The following STK33 variants were observed in gnomAD, a reference collection of about 807,000 sequenced individuals.
STK33 encodes serine/threonine-protein kinase 33.
In STK33, 52 loss-of-function variants were observed where a neutral mutation model predicts 58.0. That is an observed-to-expected ratio of 0.90 (90% CI 0.72 to 1.13). STK33 has a LOEUF of 1.13. Among genes scored for constraint, STK33 ranks in the 50% most tolerant of loss-of-function variants. The pLI, the probability that STK33 is intolerant of heterozygous loss-of-function variation, is 0.00. For missense variants in STK33, 630 were observed against 604.2 expected, an observed-to-expected ratio of 1.04 and a Z score of -0.45; for synonymous variants, 215 against 200.1, an observed-to-expected ratio of 1.07 and a Z score of -0.63.
At chr11:8,360,850 C>G in the STK33 span, among the ~76,000 whole-genome samples, 2 of 152,222 alleles carry the variant, frequency 1.3e-5, no homozygotes, top group African/African-American at 4.8e-5. Flanking sequence ...GTGTTGCTAA[C>G]CAGGGAACAT....
chr11:8,505,629 G>A (rs1448250665), intron 1 of STK33, among the ~76,000 whole-genome samples: 7 of 152,156 alleles, frequency 4.6e-5, no homozygotes, highest in Admixed American at 3.9e-4. Flanking sequence ...CCTACACAGC[G>A]TTAGTCACAC....
chr11:8,473,260 T>C lies in STK33; in HGVS notation c.242A>G (p.Asn81Ser), dbSNP rs1948955300. 1.2e-6 allele frequency: 2 copies of C among 1,610,858 alleles called. No individual in the cohort carries two copies. The highest frequency in any genetic ancestry group is 1.1e-5 in the South Asian group (1 of 90,240). ...SRKDLPSRTS[N>S]VERKASQQQW... ...TTGCTGAGATGCTTTTCTCTCTACATTTGAGGTTCTTGAGGGCTGGGACCA... is the reference window on the plus strand; with the variant it reads ...TTGCTGAGATGCTTTTCTCTCTACACTTGAGGTTCTTGAGGGCTGGGACCA... The change falls in exon 6 of 16, where the codon AAT becomes AGT. Residue 81 changes from asparagine (N) to serine (S), a missense_variant. Asn to Ser is a conservative substitution (Grantham distance 46). Transcript: ENST00000687296.
chr11:8,435,573 C>A lies in STK33; in HGVS notation c.1067G>T (p.Ser356Ile). The change falls in exon 14 of 16, where the codon AGT becomes ATT. Residue 356 changes from serine to isoleucine, a missense_variant. Ser to Ile is a moderately radical substitution (Grantham distance 142). Transcript: ENST00000687296. ...TACTTTCATAAGTTGTTTCAAAACA[C>A]TTTTAGCTAAAAATAAGAAAAAAAT... ...VWNSISDCAK[S>I]VLKQLMKVDP... The A allele has an allele frequency of 6.7e-7, 1 of 1,487,100 alleles. No homozygotes were observed. The highest frequency in any genetic ancestry group is 9.0e-7 in the Non-Finnish European group (1 of 1,109,212). The allele number at this position is 1,487,100 out of a possible 1,614,324, so 92.1% of individuals were successfully genotyped here.
intron 14 of STK33, among the ~76,000 whole-genome samples, chr11:8,421,473 T>C (rs1475031966): frequency 6.6e-6 from 1 of 152,218 alleles, no homozygotes; most frequent in Non-Finnish European, 1.5e-5. Context: ...TTCTGTACTC[T>C]GTTTTATTCT....
Position 8,546,003 on chromosome 11 carries a change from TA to T in STK33, c.-466+48079del, listed in dbSNP as rs1345693035. On this transcript the variant is annotated intron_variant, in intron 1 of 15. Transcript: ENST00000687296. ...AAACCTGTATAGCATTTTACTGTAT[TA>T]AATACTGTAGGCAATTGTAACACGA... Among the ~76,000 whole-genome samples the T allele has an allele frequency of 1.2e-4, 18 of 152,352 alleles. No individual in the cohort carries two copies. The East Asian group carries it at 3.5e-3, about 29-fold the overall frequency.
the STK33 span, among the ~76,000 whole-genome samples, chr11:8,347,578 C>T: frequency 0.068 from 10,324 of 152,210 alleles, 379 homozygotes; most frequent in African/African-American, 0.077. Context: ...GAGAAACGAG[C>T]GCTATGGAGG....
chr11:8,458,278 G>A (rs181824494), intron 8 of STK33, among the ~76,000 whole-genome samples: 2 of 152,102 alleles, frequency 1.3e-5, no homozygotes, highest in African/African-American at 4.8e-5. Flanking sequence ...TGTAGCAGGA[G>A]AAAGCAGCCA....
At chr11:8,590,360 C>A (rs566829957) in intron 1 of STK33, among the ~76,000 whole-genome samples, 81 of 152,104 alleles carry the variant, frequency 5.3e-4, no homozygotes, top group Non-Finnish European at 1.0e-3. Context: ...ATGATCAGCA[C>A]CCCATAAATA....
At chr11:8,543,486 A>C (rs1955679176) in intron 1 of STK33, among the ~76,000 whole-genome samples, 1 of 152,280 alleles carries the variant, frequency 6.6e-6, no homozygotes, top group Admixed American at 6.5e-5. Flanking sequence ...AGTGAAATAA[A>C]CCAGGCACAG....
intron 14 of STK33, among the ~76,000 whole-genome samples, chr11:8,423,546 CTTG>C (rs779161841): frequency 6.6e-6 from 1 of 151,940 alleles, no homozygotes; most frequent in African/African-American, 2.4e-5. Flanking sequence ...GATATTTAAT[CTTG>C]TTGTTTACTG....
intron 1 of STK33, among the ~76,000 whole-genome samples, chr11:8,541,975 ACAGT>A (rs1224418757): frequency 6.6e-6 from 1 of 152,208 alleles, no homozygotes; most frequent in Non-Finnish European, 1.5e-5. Context: ...AGCAAAGAGA[ACAGT>A]CTCTATAATA....
chr11:8,373,337 C>G, the STK33 span, among the ~76,000 whole-genome samples: 1 of 152,158 alleles, frequency 6.6e-6, no homozygotes, highest in Non-Finnish European at 1.5e-5. Flanking sequence ...GCTACAAAGT[C>G]ACACTGCTGG....
intron 1 of STK33, among the ~76,000 whole-genome samples, chr11:8,570,121 C>A (rs906854532): frequency 6.6e-6 from 1 of 151,944 alleles, no homozygotes; most frequent in African/African-American, 2.4e-5. Flanking sequence ...AGAACAGATA[C>A]TTTATAAAGG....
the STK33 span, among the ~76,000 whole-genome samples, chr11:8,378,440 C>T: frequency 1.3e-5 from 2 of 152,194 alleles, no homozygotes; most frequent in African/African-American, 2.4e-5. Context: ...ATCGCTTGAA[C>T]CTGGGAGGCA....
chr11:8,566,855 C>T (rs565464493), intron 1 of STK33, among the ~76,000 whole-genome samples: 5 of 152,278 alleles, frequency 3.3e-5, no homozygotes, highest in African/African-American at 9.6e-5. Context: ...TTATAACTGT[C>T]GAACCTATGA....
At chr11:8,589,482 T>C (rs1365027493) in intron 1 of STK33, among the ~76,000 whole-genome samples, 1 of 152,186 alleles carries the variant, frequency 6.6e-6, no homozygotes, top group Non-Finnish European at 1.5e-5. Flanking sequence ...AAGACTGATG[T>C]TTGCCAGGGG....
intron 12 of STK33, among the ~76,000 whole-genome samples, chr11:8,436,722 G>T (rs1205308374): frequency 3.3e-5 from 5 of 152,096 alleles, no homozygotes; most frequent in African/African-American, 1.2e-4. Context: ...TTTTGAGATG[G>T]AGTCTCACTC....
intron 15 of STK33, among the ~76,000 whole-genome samples, chr11:8,410,233 T>C (rs1158434486): frequency 6.6e-6 from 1 of 152,196 alleles, no homozygotes; most frequent in Non-Finnish European, 1.5e-5. Context: ...AGTATTAAAT[T>C]TCAATGTTAT....
At chr11:8,448,658 T>TA (rs1240018531) in intron 11 of STK33, among the ~76,000 whole-genome samples, 1 of 152,086 alleles carries the variant, frequency 6.6e-6, no homozygotes, top group Non-Finnish European at 1.5e-5. Context: ...ACTTAAATGT[T>TA]AGACCTAAAA....
Sources: gnomAD v4.1 joint callset for allele counts (sites outside exome capture counted in the v4.1 genomes callset) on GRCh38, gnomAD v4.1.1 for gene constraint, MANE v1.5 for transcripts, NCBI Gene and HGNC (gene_info 2026-07-23, HGNC 2026-07-21) for gene names.